ERFE: variants seen among roughly 807,000 people sequenced by gnomAD.
ERFE encodes erythroferrone, also known as complement C1q tumor necrosis factor-related protein 15.
A neutral mutation model predicts 26.6 loss-of-function variants in ERFE; 25 were observed. The ratio of observed to expected loss-of-function variants is 0.94; its 90% CI spans 0.69 to 1.31. ERFE has a LOEUF of 1.31. Among genes scored for constraint, ERFE ranks in the 40% most tolerant of loss-of-function variants. ERFE has a pLI of 0.00. For synonymous variants in ERFE, 206 were observed against 204.5 expected, an observed-to-expected ratio of 1.01 and a Z score of -0.06; for missense variants, 447 against 440.2, an observed-to-expected ratio of 1.02 and a Z score of -0.14.
chr2:238,164,453 C>G, intron 6 of ERFE, 93 bp downstream of exon 6: 1 of 1,279,382 alleles, frequency 7.8e-7, no homozygotes, highest in Non-Finnish European at 1.1e-6. Flanking sequence ...GGCTTCCGCC[C>G]GTTCACACCC....
intron 3 of ERFE, 200 bp from the exon 4 acceptor site, chr2:238,163,537 A>T: frequency 3.2e-6 from 2 of 616,756 alleles, no homozygotes; most frequent in Non-Finnish European, 4.6e-6. Context: ...GAGCTTCCCA[A>T]ATCTTGAGGG....
At position 238,168,213 on chromosome 2, in the gene ERFE, G is replaced by A. The variant is rs1693079115; in HGVS notation, c.*1159G>A. The stretch of plus-strand genomic sequence containing the variant: ...CAGCTCTCATGAGGACACACAGGCT[G>A]TGAGCCCGCAGCCTCCTCAAATGTA... On this transcript the variant is annotated 3_prime_UTR_variant, in exon 8 of 8. Transcript: ENST00000546354. 2.8e-6 allele frequency: 1 copy of A among 355,450 alleles called. No homozygotes were observed. The highest frequency in any genetic ancestry group is 8.0e-5 in the East Asian group (1 of 12,452). 22.0% of individuals were successfully genotyped at this position (355,450 alleles called of 1,614,324 possible).
In ERFE at chr2:238,164,374, G is replaced by C; in HGVS notation, c.887+14G>C. The C allele has an allele frequency of 3.2e-6, 5 of 1,542,610 alleles. No homozygotes were observed. Among genetic ancestry groups the C allele is most frequent in the Non-Finnish European group, 4.4e-6 (5 of 1,145,306 alleles). On this transcript the variant is annotated intron_variant, in intron 6 of 7. Coordinates refer to ENST00000546354, the MANE Select transcript of ERFE (RefSeq NM_001291832.2). Reference sequence around the variant, plus strand: ...CCAGCGCAACGCGTGAGTGTACCCCGGCCCGGACCCCACACCCGCATTCGC... The same window carrying C: ...CCAGCGCAACGCGTGAGTGTACCCCCGCCCGGACCCCACACCCGCATTCGC...
At chr2:238,164,871 CA>C (rs200431674) in intron 6 of ERFE, 5 of 157,502 alleles carry the variant, frequency 3.2e-5, no homozygotes, top group Non-Finnish European at 5.5e-5. Flanking sequence ...ACAACAACAA[CA>C]AAAAAAAACC....
At chr2:238,161,039 G>C (rs888644653) in intron 1 of ERFE, among the ~76,000 whole-genome samples, 1 of 152,240 alleles carries the variant, frequency 6.6e-6, no homozygotes, top group Non-Finnish European at 1.5e-5. Context: ...CGTCATGACA[G>C]CTCGCCTGGT....
In ERFE at chr2:238,168,595, A is replaced by G. The variant is rs1429687760; in HGVS notation, c.*1541A>G. On this transcript the variant is annotated 3_prime_UTR_variant, in exon 8 of 8. Transcript: ENST00000546354. ...CCATCCCCAAGTGCAGTAACACACA[A>G]AAACCAAACACTCTGCCCTGGGAAA... 5 of 394,930 alleles carry G rather than the reference A, an allele frequency of 1.3e-5. No individual in the cohort carries two copies. The highest frequency in any genetic ancestry group is 1.2e-4 in the Admixed American group (4 of 32,024). 24.5% of individuals were successfully genotyped at this position (394,930 alleles called of 1,614,324 possible). A position where few individuals can be genotyped will look rare whatever the true frequency, so the allele number is the denominator to read the frequency against.
Position 238,165,702 on chromosome 2 carries a change from G to A in ERFE, c.966+18G>A. 6.5e-7 allele frequency: 1 copy of A among 1,543,200 alleles called. No individual in the cohort carries two copies. Among genetic ancestry groups the A allele is most frequent in the Non-Finnish European group, 8.8e-7 (1 of 1,141,302 alleles). On this transcript the variant is annotated intron_variant, in intron 7 of 7. Coordinates refer to ENST00000546354, the MANE Select transcript of ERFE (RefSeq NM_001291832.2). Reference sequence around the variant, plus strand: ...ACCTGCAGGTGAGTGCGGCAGGCTTGGGCATCGAGGGGCACCGCCTGGGCA... The same window carrying A: ...ACCTGCAGGTGAGTGCGGCAGGCTTAGGCATCGAGGGGCACCGCCTGGGCA...
Position 238,164,309 on chromosome 2 carries a change from G to A in ERFE, c.836G>A (p.Arg279Gln), listed in dbSNP as rs1296013143. 3.3e-6 allele frequency: 5 copies of A among 1,520,130 alleles called. No homozygotes were observed. Among genetic ancestry groups the A allele is most frequent in the Middle Eastern group, 2.0e-4 (1 of 5,078 alleles). 94.2% of individuals were successfully genotyped at this position (1,520,130 alleles called of 1,614,324 possible). A position where few individuals can be genotyped will look rare whatever the true frequency, so the allele number is the denominator to read the frequency against. The change falls in exon 6 of 8, where the codon CGG becomes CAG. Residue 279 changes from arginine to glutamine, a missense_variant. Arg to Gln is a conservative substitution (Grantham distance 43). Transcript: ENST00000546354. ...EPPRRGPPRP[R>Q]DHLRLLICIQ... is the part of the protein sequence containing the mutation. ...CCGAGGAGGGGGCCGCCGCGCCCCC[G>A]GGACCACCTGCGCCTGCTCATCTGC... is the stretch of plus-strand genomic sequence containing the variant.
intron 1 of ERFE, 88 bp from the exon 2 acceptor site, chr2:238,161,506 G>A (rs1692938087): frequency 5.6e-6 from 8 of 1,424,224 alleles, no homozygotes; most frequent in East Asian, 2.6e-5. Context: ...AGTACAGAAG[G>A]CCACACAGTC....
chr2:238,160,128 C>A (rs758111126), intron 1 of ERFE, among the ~76,000 whole-genome samples: 1 of 152,220 alleles, frequency 6.6e-6, no homozygotes, highest in Non-Finnish European at 1.5e-5. Flanking sequence ...AGGAGGCAGA[C>A]GGGGCTCAGG....
At position 238,165,704 on chromosome 2, in the gene ERFE, G is replaced by C. The variant is rs1234042461; in HGVS notation, c.966+20G>C. On this transcript the variant is annotated intron_variant, in intron 7 of 7. Coordinates refer to ENST00000546354, the MANE Select transcript of ERFE (RefSeq NM_001291832.2). ...CTGCAGGTGAGTGCGGCAGGCTTGG[G>C]CATCGAGGGGCACCGCCTGGGCATG... 8.4e-6 allele frequency: 13 copies of C among 1,543,060 alleles called. No homozygotes were observed.
chr2:238,166,898 G>A, intron 7 of ERFE, 58 bp from the exon 8 acceptor site: 2 of 1,428,230 alleles, frequency 1.4e-6, no homozygotes, highest in Non-Finnish European at 1.9e-6. Context: ...GCTGGCCCTT[G>A]GGTCACCTCT....
At position 238,167,424 on chromosome 2, in the gene ERFE, C is replaced by T; in HGVS notation, c.*370C>T. ...GTGCCCAGCCCCACCTTTTCCACCT[C>T]TCTTCATGTTCTCATGGAGTGCAAA... On this transcript the variant is annotated 3_prime_UTR_variant, in exon 8 of 8. Coordinates refer to ENST00000546354, the MANE Select transcript of ERFE (RefSeq NM_001291832.2). 1.9e-6 allele frequency: 1 copy of T among 522,542 alleles called. No homozygotes were observed. 32.4% of individuals were successfully genotyped at this position (522,542 alleles called of 1,614,324 possible).
At position 238,167,600 on chromosome 2, in the gene ERFE, C is replaced by T; in HGVS notation, c.*546C>T. 1 of 375,388 alleles carries T rather than the reference C, an allele frequency of 2.7e-6. No homozygotes were observed. The highest frequency in any genetic ancestry group is 2.0e-5 in the South Asian group (1 of 50,624). 23.3% of individuals were successfully genotyped at this position (375,388 alleles called of 1,614,324 possible). ...GTCTCCATCTGGGCTCCTTGGTCTT[C>T]CCTGCCCCTCCCCTAACCGTGTTCT... On this transcript the variant is annotated 3_prime_UTR_variant, in exon 8 of 8. Coordinates refer to ENST00000546354, the MANE Select transcript of ERFE (RefSeq NM_001291832.2).
chr2:238,163,996 C>A lies in ERFE; in HGVS notation c.684C>A (p.Tyr228Ter). 1.4e-6 allele frequency: 2 copies of A among 1,385,188 alleles called. No homozygotes were observed. Among genetic ancestry groups the A allele is most frequent in the Admixed American group, 3.6e-5 (1 of 27,808 alleles). 85.8% of individuals were successfully genotyped at this position (1,385,188 alleles called of 1,614,324 possible). A position where few individuals can be genotyped will look rare whatever the true frequency, so the allele number is the denominator to read the frequency against. ...RRALHELGVY[Y>*]LPDAEGAFRR... ...CGCTGCACGAGCTTGGCGTCTACTA[C>A]CTGGTGAGTGCCGGCGCGCGGGAGG... The change falls in exon 4 of 8, where the codon TAC becomes TAA. Residue 228 changes from tyrosine (Y) to a stop codon, truncating the protein, a stop_gained. Coordinates refer to ENST00000546354, the MANE Select transcript of ERFE (RefSeq NM_001291832.2). LOFTEE classifies it high-confidence loss of function.
chr2:238,163,697 A>AG, intron 3 of ERFE, 40 bp from the exon 4 acceptor site: 3 of 1,272,340 alleles, frequency 2.4e-6, no homozygotes, highest in Non-Finnish European at 3.0e-6. Flanking sequence ...CGGGCGGGTG[A>AG]GGGGTCCCTG....
In ERFE at chr2:238,162,463, G is replaced by A. The variant is rs144185506; in HGVS notation, c.322-273G>A. Among the ~76,000 whole-genome samples the A allele has an allele frequency of 2.5e-3, 374 of 152,334 alleles. 1 individual carries two copies. The highest frequency in any genetic ancestry group is 8.0e-3 in the African/African-American group (331 of 41,576). ...CAGCCTAGAGTCTTCTTCCCTCCAC[G>A]AGGCCTGGCCGCAGGAGCGGGCTTC... On this transcript the variant is annotated intron_variant, in intron 2 of 7. Coordinates refer to ENST00000546354, the MANE Select transcript of ERFE (RefSeq NM_001291832.2).
rs777815814 is a variant in ERFE, at chr2:238,163,746, G to A, written c.434G>A (p.Arg145Gln). 164 of 1,345,170 alleles carry A rather than the reference G, an allele frequency of 1.2e-4. No homozygotes were observed. The highest frequency in any genetic ancestry group is 1.5e-4 in the Non-Finnish European group (159 of 1,053,858). The allele number at this position is 1,345,170 out of a possible 1,614,324, so 83.3% of individuals were successfully genotyped here. A position where few individuals can be genotyped will look rare whatever the true frequency, so the allele number is the denominator to read the frequency against. The change falls in exon 4 of 8, where the codon CGG (arginine) becomes CAG (glutamine). Residue 145 changes from arginine to glutamine, a missense_variant. Coordinates refer to ENST00000546354, the MANE Select transcript of ERFE (RefSeq NM_001291832.2). The stretch of plus-strand genomic sequence containing the variant: ...GCTCGCTCTGTGCCAGGTGCGGTGC[G>A]GCAGCGGGAGCGCGCGGAGCCCGAA... The part of the protein sequence containing the change: ...EFQLLLKGAV[R>Q]QRERAEPEPC...
At chr2:238,164,225 A>C (rs1692993408) in intron 5 of ERFE, 42 bp downstream of exon 5, 4 of 1,423,706 alleles carry the variant, frequency 2.8e-6, no homozygotes, top group African/African-American at 1.5e-5. Context: ...TCTGTCGCCC[A>C]CCCCGCCGCC....
Sources: gnomAD v4.1 joint callset for allele counts (sites outside exome capture counted in the v4.1 genomes callset) on GRCh38, gnomAD v4.1.1 for gene constraint, MANE v1.5 for transcripts, NCBI Gene and HGNC (gene_info 2026-07-23, HGNC 2026-07-21) for gene names.